The following KHDC4 variants were observed in gnomAD, a reference collection of about 807,000 sequenced individuals.
KHDC4 encodes the protein KH homology domain-containing protein 4.
Under a neutral mutation model 74.5 loss-of-function variants are expected in KHDC4, and 19 were observed. That is an observed-to-expected ratio of 0.26 (90% CI 0.18 to 0.37). The LOEUF is 0.37. KHDC4 is among the 10% of genes least tolerant of loss of function. The pLI is 1.00. For missense variants in KHDC4, 632 were observed against 754.1 expected, an observed-to-expected ratio of 0.84 and a Z score of 1.90; for synonymous variants, 253 against 266.1, an observed-to-expected ratio of 0.95 and a Z score of 0.48.
intron 2 of KHDC4, among the ~76,000 whole-genome samples, chr1:155,931,340 T>A (rs1448237753): frequency 2.2e-5 from 3 of 139,070 alleles, no homozygotes; most frequent in East Asian, 2.1e-4. Flanking sequence ...AAAGAAAGAA[T>A]GAACGAAGGA....
At chr1:155,934,274 G>C (rs1572016779) in intron 1 of KHDC4, 62 bp downstream of exon 1, 1 of 1,553,038 alleles carries the variant, frequency 6.4e-7, no homozygotes. Context: ...AGCTTCTCAG[G>C]GTCCCTCCGC....
At chr1:155,933,983 A>G in intron 1 of KHDC4, 134 bp from the exon 2 acceptor site, 1 of 691,180 alleles carries the variant, frequency 1.4e-6, no homozygotes, top group East Asian at 2.9e-5. Flanking sequence ...CAAATCTAAA[A>G]CTCCCCTCTC....
At chr1:155,929,549 T>C (rs562179746) in intron 3 of KHDC4, among the ~76,000 whole-genome samples, 163 bp downstream of exon 3, 3 of 152,354 alleles carry the variant, frequency 2.0e-5, no homozygotes, top group African/African-American at 7.2e-5. Flanking sequence ...AATTCATTTA[T>C]ATCCATTCCA....
chr1:155,926,361 G>A (rs1360691340), intron 6 of KHDC4: 15 of 278,554 alleles, frequency 5.4e-5, no homozygotes, highest in Non-Finnish European at 9.4e-5. Context: ...ATGGAGTCTT[G>A]CTCTGTGGCC....
chr1:155,930,267 C>G (rs559814067), intron 2 of KHDC4, among the ~76,000 whole-genome samples: 1 of 152,292 alleles, frequency 6.6e-6, no homozygotes, highest in African/African-American at 2.4e-5. Flanking sequence ...AAGTCCCACA[C>G]CTCCCTACCC....
intron 11 of KHDC4, 84 bp downstream of exon 11, chr1:155,917,415 G>A (rs1673755867): frequency 8.7e-7 from 1 of 1,155,546 alleles, no homozygotes; most frequent in South Asian, 1.3e-5. Flanking sequence ...AGTACTGGGA[G>A]AATGATGTGA....
intron 4 of KHDC4, among the ~76,000 whole-genome samples, chr1:155,927,833 CACACACACACACA>C (rs1380777958): frequency 7.4e-4 from 5 of 6,744 alleles, no homozygotes; most frequent in Admixed American, 2.2e-3. Flanking sequence ...AAAAAAAAAC[CACACACACACACA>C]CACACACACA....
At chr1:155,933,361 G>A (rs1376409977) in intron 2 of KHDC4, among the ~76,000 whole-genome samples, 2 of 151,714 alleles carry the variant, frequency 1.3e-5, no homozygotes, top group Admixed American at 1.3e-4. Context: ...CACAATCTCG[G>A]CTCACTGCAA....
chr1:155,920,590 G>C (rs1431655643), intron 10 of KHDC4, among the ~76,000 whole-genome samples: 1 of 152,036 alleles, frequency 6.6e-6, no homozygotes, highest in Non-Finnish European at 1.5e-5. Flanking sequence ...ACTGAGGCTG[G>C]AGTGCACTGG....
chr1:155,921,369 TCCTA>T lies in KHDC4; in HGVS notation c.1266+2_1266+5del. On this transcript the variant is annotated splice_donor_variant and splice_donor_5th_base_variant and intron_variant, in intron 10 of 13. Coordinates refer to ENST00000368321, the MANE Select transcript of KHDC4 (RefSeq NM_014949.4). LOFTEE classifies it high-confidence loss of function. ...TAATATGTTGTTGCATATCCTGACA[TCCTA>T]CCTGTCCAGTGCTAGCTGGAGGCTG... The T allele has an allele frequency of 6.2e-7, 1 of 1,613,774 alleles. No individual in the cohort carries two copies. Among genetic ancestry groups the T allele is most frequent in the Non-Finnish European group, 8.5e-7 (1 of 1,179,674 alleles).
In KHDC4 at chr1:155,921,627, G is replaced by A; in HGVS notation, c.1014C>T (p.Gly338=). Residue 338 remains glycine (G), a splice_region_variant and synonymous_variant, in exon 10 of 14, where the codon GGC becomes GGT. Coordinates refer to ENST00000368321, the MANE Select transcript of KHDC4 (RefSeq NM_014949.4). ...TACTTATAGCAGAGGGTTGTGTATA[G>A]CCTGAGGGGGAAGAAAAAAAGTGTT... ...NQINTAVPLP[G]YTQPSAISSV... 5 of 1,606,758 alleles carry A rather than the reference G, an allele frequency of 3.1e-6. No individual in the cohort carries two copies. The highest frequency in any genetic ancestry group is 3.4e-6 in the Non-Finnish European group (4 of 1,174,180).
chr1:155,926,148 C>T, intron 6 of KHDC4: 3 of 553,304 alleles, frequency 5.4e-6, no homozygotes, highest in Non-Finnish European at 1.0e-5. Flanking sequence ...ACATGTATAC[C>T]TTCTGCTCTA....
intron 2 of KHDC4, among the ~76,000 whole-genome samples, chr1:155,931,470 T>C (rs889396893): frequency 6.6e-6 from 1 of 152,244 alleles, no homozygotes; most frequent in African/African-American, 2.4e-5. Context: ...GGCATGCGTC[T>C]GTAGTCGCAG....
chr1:155,920,451 T>G (rs1452134147), intron 10 of KHDC4, among the ~76,000 whole-genome samples: 1 of 152,146 alleles, frequency 6.6e-6, no homozygotes, highest in Non-Finnish European at 1.5e-5. Flanking sequence ...AAAAAATTTT[T>G]TTAAGTATAC....
At chr1:155,930,123 G>A (rs928726105) in intron 2 of KHDC4, among the ~76,000 whole-genome samples, 9 of 152,122 alleles carry the variant, frequency 5.9e-5, no homozygotes, top group Non-Finnish European at 1.2e-4. Context: ...GTGTTGGCCA[G>A]GCTGGTCTCG....
chr1:155,929,880 G>A (rs1674104952), intron 2 of KHDC4, 40 bp from the exon 3 acceptor site: 4 of 1,414,834 alleles, frequency 2.8e-6, no homozygotes, highest in South Asian at 1.5e-5. Context: ...TTTTTATGAT[G>A]AGATAAAGTC....
chr1:155,917,444 G>C, intron 11 of KHDC4, 55 bp downstream of exon 11: 8 of 1,347,628 alleles, frequency 5.9e-6, no homozygotes, highest in Non-Finnish European at 8.5e-6. Flanking sequence ...TTTTTAAAGG[G>C]AGAATATAGT....
At chr1:155,924,268 G>GGC (rs1266835284) in intron 7 of KHDC4, among the ~76,000 whole-genome samples, 1 of 152,126 alleles carries the variant, frequency 6.6e-6, no homozygotes, top group Non-Finnish European at 1.5e-5. Context: ...GGAGTGCAGT[G>GGC]GCGCGATCTC....
intron 6 of KHDC4, 169 bp downstream of exon 6, chr1:155,926,507 G>A (rs891753017): frequency 7.5e-5 from 49 of 655,764 alleles, no homozygotes; most frequent in South Asian, 1.2e-4. Context: ...TGTTCGTGAC[G>A]GGGTTTCACC....
Sources: allele counts gnomAD v4.1 joint callset (sites outside exome capture counted in the v4.1 genomes callset), GRCh38; gene constraint gnomAD v4.1.1; transcripts MANE v1.5; gene names NCBI Gene and HGNC (gene_info 2026-07-23, HGNC 2026-07-21).